Variants in ANKRD36B observed in about 807,000 individuals in gnomAD.
ANKRD36B encodes the protein ankyrin repeat domain 36B.
Under a neutral mutation model 135.7 loss-of-function variants are expected in ANKRD36B, and 37 were observed. The observed-to-expected ratio is 0.27, with a 90% CI of 0.21 to 0.36. ANKRD36B has a LOEUF of 0.36. Among genes scored for constraint, ANKRD36B ranks in the 10% least tolerant of loss-of-function variants. The probability of loss-of-function intolerance (pLI) is 1.00; values close to 1 mark genes in which losing one functional copy is unlikely to be tolerated. For synonymous variants in ANKRD36B, 179 were observed against 348.1 expected (o/e 0.51, Z 5.41); for missense variants, 549 against 1,037.1 (o/e 0.53, Z 6.46).
At chr2:97,587,402 T>A (rs1061557) in intron 1 of ANKRD36B, among the ~76,000 whole-genome samples, 2 of 152,318 alleles carry the variant, frequency 1.3e-5, no homozygotes, top group African/African-American at 2.4e-5. Context: ...TTTGGCTTAC[T>A]AACACCATAG....
intron 6 of ANKRD36B, among the ~76,000 whole-genome samples, chr2:97,571,709 A>T (rs2081888750): frequency 1.3e-5 from 2 of 151,970 alleles, no homozygotes; most frequent in Admixed American, 1.3e-4. Context: ...CATTGTGATA[A>T]TTATAGAAAT....
intron 30 of ANKRD36B, among the ~76,000 whole-genome samples, chr2:97,539,208 T>C (rs561242531): frequency 1.0e-5 from 1 of 97,860 alleles, no homozygotes; most frequent in Admixed American, 9.1e-5. Context: ...TAATTTTGTT[T>C]CTAAAATAGT....
rs2080602589 is a variant in ANKRD36B at position 97,557,123 on chromosome 2, T to C, written c.977A>G (p.Gln326Arg). Residue 326 changes from glutamine to arginine, a missense_variant, in exon 11 of 44, where the codon CAG becomes CGG. Physicochemically the swap from Gln to Arg is conservative, Grantham distance 43. Coordinates refer to ENST00000359901, the MANE Select transcript of ANKRD36B (RefSeq NM_001393939.1). Reference protein sequence around the residue: ...EGQQSGTVSPQKQSAQKVIFK... With the variant: ...EGQQSGTVSPRKQSAQKVIFK... The stretch of plus-strand genomic sequence containing the variant: ...AACTACCTTCTGGGCCGATTGTTTC[T>C]GAGGAGACACTGAAAAGTAAAAGAA... The C allele has an allele frequency of 1.3e-6, 2 of 1,538,730 alleles. No homozygotes were observed. The highest frequency in any genetic ancestry group is 4.9e-5 in the East Asian group (2 of 40,826).
At chr2:97,560,805 T>G in intron 7 of ANKRD36B, 27 bp downstream of exon 7, 1 of 1,583,068 alleles carries the variant, frequency 6.3e-7, no homozygotes, top group Non-Finnish European at 8.5e-7. Flanking sequence ...AGTTAATAGT[T>G]CAACATATAA....
In ANKRD36B at chr2:97,556,948, T is replaced by A; in HGVS notation, c.1058A>T (p.Lys353Ile). Residue 353 changes from lysine (K) to isoleucine (I), a missense_variant, in exon 12 of 44, where the codon AAA (lysine) becomes ATA (isoleucine). Transcript: ENST00000359901. ...NIATRIMGGG[K>I]SGTVSSQKQP... Reference sequence around the variant, plus strand: ...TATTGCCAAATTACCTGTTCCAGATTTCCCACCGCCCATTATTCTTGTGGC... The same window carrying A: ...TATTGCCAAATTACCTGTTCCAGATATCCCACCGCCCATTATTCTTGTGGC... 1.6e-5 allele frequency: 26 copies of A among 1,590,632 alleles called. No homozygotes were observed. The highest frequency in any genetic ancestry group is 2.1e-5 in the Non-Finnish European group (24 of 1,168,618).
chr2:97,553,235 T>A lies in ANKRD36B; in HGVS notation c.1206A>T (p.Thr402=). 1 of 1,609,588 alleles carries A rather than the reference T, an allele frequency of 6.2e-7. No homozygotes were observed. The highest frequency in any genetic ancestry group is 8.5e-7 in the Non-Finnish European group (1 of 1,178,574). The change falls in exon 16 of 44, where the codon ACA becomes ACT. Residue 402 remains threonine, a synonymous_variant. Transcript: ENST00000359901. ...SSQKQQALKA[T]TDEEGSVSNI... The stretch of plus-strand genomic sequence containing the variant: ...TAGAAACAGAACCTTCCTCGTCAGT[T>A]GTAGCCTGAATGGAATTTGAAAGAA...
At chr2:97,552,203 C>T (rs1436089151) in intron 16 of ANKRD36B, among the ~76,000 whole-genome samples, 2 of 151,936 alleles carry the variant, frequency 1.3e-5, no homozygotes, top group Non-Finnish European at 2.9e-5. Context: ...TGACATACTT[C>T]TACAAATAAA....
intron 43 of ANKRD36B, among the ~76,000 whole-genome samples, chr2:97,495,488 TCAG>T (rs1251288356): frequency 2.8e-5 from 1 of 35,356 alleles, no homozygotes; most frequent in African/African-American, 5.9e-5. Flanking sequence ...GAGGAGTGTT[TCAG>T]TTCTTTCTAG....
intron 14 of ANKRD36B, among the ~76,000 whole-genome samples, chr2:97,553,901 C>A (rs970666851): frequency 6.6e-6 from 1 of 151,902 alleles, no homozygotes; most frequent in Non-Finnish European, 1.5e-5. Context: ...CTAAATTGAT[C>A]AGCTTGGATA....
rs1285568715 is a variant in ANKRD36B at position 97,526,725 on chromosome 2, G to T, written c.2266-3258C>A. On this transcript the variant is annotated intron_variant, in intron 35 of 43. Transcript: ENST00000359901. ...AGTGCTTAAAGGAGCTGATGGAGCT[G>T]AAAGCGGAGGCTCGAGAACTACGTG... Among the ~76,000 whole-genome samples the T allele has an allele frequency of 2.1e-5, 2 of 97,506 alleles. 1 individual carries two copies. The highest frequency in any genetic ancestry group is 5.5e-5 in the Non-Finnish European group (2 of 36,614). 64.0% of individuals were successfully genotyped at this position (97,506 alleles called of 152,430 possible). A position where few individuals can be genotyped will look rare whatever the true frequency, so the allele number is the denominator to read the frequency against.
intron 4 of ANKRD36B, among the ~76,000 whole-genome samples, chr2:97,579,979 C>CTTAG (rs773067951): frequency 1.1e-4 from 17 of 152,298 alleles, no homozygotes; most frequent in Non-Finnish European, 2.4e-4. Context: ...CCTGTGTGAA[C>CTTAG]CTAAAGCTTG....
intron 43 of ANKRD36B, among the ~76,000 whole-genome samples, chr2:97,496,198 T>C (rs2077302276): frequency 9.3e-6 from 1 of 107,172 alleles, no homozygotes; most frequent in African/African-American, 2.6e-5. Flanking sequence ...AGCCACAACA[T>C]TTCGCTAAGC....
chr2:97,558,483 C>T (rs1161451590), intron 10 of ANKRD36B, among the ~76,000 whole-genome samples: 3 of 151,904 alleles, frequency 2.0e-5, no homozygotes, highest in Non-Finnish European at 2.9e-5. Context: ...ATCTATACTT[C>T]ATCTCTTTCT....
At position 97,536,036 on chromosome 2, in the gene ANKRD36B, G is replaced by C. The variant is rs184783096; in HGVS notation, c.2191+264C>G. Among the ~76,000 whole-genome samples the C allele has an allele frequency of 2.7e-3, 255 of 93,906 alleles. 64 individuals are homozygous for C. Among genetic ancestry groups the C allele is most frequent in the African/African-American group, 7.6e-3 (239 of 31,316 alleles). The allele number at this position is 93,906 out of a possible 152,430, so 61.6% of individuals were successfully genotyped here. A position where few individuals can be genotyped will look rare whatever the true frequency, so the allele number is the denominator to read the frequency against. On this transcript the variant is annotated intron_variant, in intron 34 of 43. Coordinates refer to ENST00000359901, the MANE Select transcript of ANKRD36B (RefSeq NM_001393939.1). ...GCTACAATTGAGCCATTGCACTCCA[G>C]CCTGGGCAACAAGAGCAAAGCTCTG...
At chr2:97,563,431 TAC>T (rs4069654) in intron 6 of ANKRD36B, among the ~76,000 whole-genome samples, 1,895 of 149,566 alleles carry the variant, frequency 0.013, 40 homozygotes, top group African/African-American at 0.039. Flanking sequence ...GAGAAAAAAA[TAC>T]ACACACACAC....
chr2:97,551,489 C>G lies in ANKRD36B; in HGVS notation c.1274-9G>C. 1 of 1,607,558 alleles carries G rather than the reference C, an allele frequency of 6.2e-7. No homozygotes were observed. Among genetic ancestry groups the G allele is most frequent in the Non-Finnish European group, 8.5e-7 (1 of 1,178,588 alleles). On this transcript the variant is annotated splice_polypyrimidine_tract_variant and intron_variant, in intron 16 of 43. Coordinates refer to ENST00000359901, the MANE Select transcript of ANKRD36B (RefSeq NM_001393939.1). ...TTTTTTCTGAGAAGACACTGAAAAG[C>G]AAAAGGGATACATAATCACTCATAT...
At position 97,574,463 on chromosome 2, in the gene ANKRD36B, T is replaced by C. The variant is rs2082096857; in HGVS notation, c.763+1916A>G. ...GTGGGACTGTAAACTAGTTCAACCA[T>C]TGTGGAAGTCAGTGTGGCGATTCCT... On this transcript the variant is annotated intron_variant, in intron 6 of 43. Transcript: ENST00000359901. Among the ~76,000 whole-genome samples the C allele has an allele frequency of 2.0e-5, 3 of 152,170 alleles. No individual in the cohort carries two copies. The South Asian group carries it at 6.2e-4, about 32-fold the overall frequency.
intron 43 of ANKRD36B, among the ~76,000 whole-genome samples, chr2:97,494,651 T>C (rs2077284880): frequency 9.7e-6 from 1 of 102,814 alleles, no homozygotes; most frequent in African/African-American, 2.7e-5. Context: ...TTTTTGTCTT[T>C]AACTTTGGAC....
At chr2:97,523,891 T>A (rs1301286621) in intron 35 of ANKRD36B, 1 of 65,378 alleles carries the variant, frequency 1.5e-5, no homozygotes, top group Non-Finnish European at 4.2e-5. Flanking sequence ...TAGCAGCAAG[T>A]GACCCTCTAA....
Sources: gnomAD v4.1 joint callset for allele counts (sites outside exome capture counted in the v4.1 genomes callset) on GRCh38, gnomAD v4.1.1 for gene constraint, MANE v1.5 for transcripts, NCBI Gene and HGNC (gene_info 2026-07-23, HGNC 2026-07-21) for gene names.